Variants in KCNU1 observed in about 807,000 individuals in gnomAD.
KCNU1 encodes the protein potassium channel subfamily U member 1.
KCNU1 carries 93 observed loss-of-function variants against 126.8 expected under a neutral mutation model. That is an observed-to-expected ratio of 0.73 (90% CI 0.62 to 0.87). The LOEUF is 0.87. Ranked by LOEUF, KCNU1 falls within the 40% of genes least tolerant of loss-of-function variation. KCNU1 has a pLI of 0.00. For missense variants in KCNU1, 1,330 were observed against 1,367.1 expected, an observed-to-expected ratio of 0.97 and a Z score of 0.43; for synonymous variants, 523 against 494.2, an observed-to-expected ratio of 1.06 and a Z score of -0.77.
At chr8:36,789,838 C>T (rs539739978) in intron 2 of KCNU1, among the ~76,000 whole-genome samples, 93 of 152,228 alleles carry the variant, frequency 6.1e-4, no homozygotes, top group African/African-American at 2.2e-3. Context: ...AATAGAATTG[C>T]GGAGGCAAAG....
intron 7 of KCNU1, among the ~76,000 whole-genome samples, chr8:36,811,393 C>A (rs1191238812): frequency 6.6e-6 from 1 of 152,024 alleles, no homozygotes; most frequent in Non-Finnish European, 1.5e-5. Flanking sequence ...AGGGTCTATA[C>A]AGGGGGGAAC....
chr8:36,870,130 A>C (rs1806049139), intron 19 of KCNU1, among the ~76,000 whole-genome samples: 1 of 152,192 alleles, frequency 6.6e-6, no homozygotes, highest in South Asian at 2.1e-4. Context: ...AGTGCCTTCC[A>C]GTAATCCTAT....
intron 17 of KCNU1, 51 bp downstream of exon 17, chr8:36,845,720 T>C: frequency 6.9e-7 from 1 of 1,441,606 alleles, no homozygotes. Context: ...TACAGCTTAA[T>C]GGGAGGCCCA....
chr8:36,852,560 C>T (rs933703442), intron 18 of KCNU1, among the ~76,000 whole-genome samples: 2 of 152,074 alleles, frequency 1.3e-5, no homozygotes, highest in African/African-American at 4.8e-5. Flanking sequence ...AGGTTTTCTA[C>T]TTCTTCCTAA....
chr8:36,815,051 C>A (rs1051570941), intron 8 of KCNU1, among the ~76,000 whole-genome samples: 1 of 152,132 alleles, frequency 6.6e-6, no homozygotes, highest in African/African-American at 2.4e-5. Context: ...AAAAAGAGGG[C>A]CAGGCACAGT....
rs747446576 is a variant in KCNU1 at position 36,864,438 on chromosome 8, G to T, written c.1926G>T (p.Lys642Asn). 4 of 1,612,028 alleles carry T rather than the reference G, an allele frequency of 2.5e-6. No homozygotes were observed. Among genetic ancestry groups the T allele is most frequent in the Non-Finnish European group, 3.4e-6 (4 of 1,178,412 alleles). The change falls in exon 19 of 27, where the codon AAG (lysine) becomes AAT (asparagine). Residue 642 changes from lysine (K) to asparagine (N), a missense_variant. Physicochemically the swap from Lys to Asn is moderately conservative, Grantham distance 94 (BLOSUM62 0). Around this residue, in one of 3 missense-constraint regions of KCNU1, gnomAD observed 1,054 missense variants for 1,053.9 expected, o/e 1.00. Coordinates refer to ENST00000399881, the MANE Select transcript of KCNU1 (RefSeq NM_001031836.3). ...PSVKRMKKCL[K>N]GISSRISGQD... ...TAAAGAGAATGAAAAAATGTCTGAA[G>T]GGAATCTCCTCTCGTATATCAGGGC...
chr8:36,900,497 T>C (rs1014374162), intron 19 of KCNU1, among the ~76,000 whole-genome samples: 1 of 152,026 alleles, frequency 6.6e-6, no homozygotes, highest in Non-Finnish European at 1.5e-5. Flanking sequence ...TGTATAGGTG[T>C]GGGAGGGGGT....
chr8:36,893,633 C>T (rs1244549120), intron 19 of KCNU1, among the ~76,000 whole-genome samples: 3 of 151,974 alleles, frequency 2.0e-5, no homozygotes, highest in Non-Finnish European at 4.4e-5. Context: ...TACTGTTGAA[C>T]TAAAGATAGT....
At chr8:36,818,512 C>T (rs918650910) in intron 10 of KCNU1, among the ~76,000 whole-genome samples, 5 of 151,958 alleles carry the variant, frequency 3.3e-5, no homozygotes, top group Admixed American at 3.3e-4. Flanking sequence ...CTTTTATTTT[C>T]ATACAGAAGT....
At chr8:36,914,137 C>T (rs2117548471) in intron 22 of KCNU1, among the ~76,000 whole-genome samples, 1 of 152,272 alleles carries the variant, frequency 6.6e-6, no homozygotes, top group Admixed American at 6.5e-5. Context: ...TACACACCCC[C>T]AAGAACTGAA....
intron 8 of KCNU1, among the ~76,000 whole-genome samples, chr8:36,815,080 C>T (rs1197439809): frequency 6.6e-6 from 1 of 152,146 alleles, no homozygotes; most frequent in Non-Finnish European, 1.5e-5. Context: ...CCTGCAATCC[C>T]AGCATTTTGT....
chr8:36,801,685 T>TAC (rs1052045379), intron 2 of KCNU1, among the ~76,000 whole-genome samples: 5 of 152,090 alleles, frequency 3.3e-5, no homozygotes, highest in Admixed American at 3.3e-4. Flanking sequence ...TGTGTATATA[T>TAC]ACACACACAT....
chr8:36,832,149 T>G (rs545228487), intron 10 of KCNU1, among the ~76,000 whole-genome samples: 44 of 152,324 alleles, frequency 2.9e-4, no homozygotes, highest in Non-Finnish European at 5.3e-4. Flanking sequence ...TACCATGCTG[T>G]TTTGGTTACT....
chr8:36,798,190 T>C (rs1429166858), intron 2 of KCNU1, among the ~76,000 whole-genome samples: 4 of 152,166 alleles, frequency 2.6e-5, no homozygotes, highest in Non-Finnish European at 5.9e-5. Flanking sequence ...CTCCTTCCTC[T>C]TAGGTCTTGA....
At chr8:36,809,953 T>C (rs1803649021) in intron 7 of KCNU1, among the ~76,000 whole-genome samples, 1 of 152,170 alleles carries the variant, frequency 6.6e-6, no homozygotes, top group African/African-American at 2.4e-5. Context: ...AATTTCTGAA[T>C]TCTTTGGGAA....
chr8:36,844,137 G>A (rs1267757072), intron 16 of KCNU1, among the ~76,000 whole-genome samples: 1 of 152,152 alleles, frequency 6.6e-6, no homozygotes, highest in Non-Finnish European at 1.5e-5. Context: ...TCAGCAGTTT[G>A]GGAGGCCGAA....
chr8:36,914,452 C>T lies in KCNU1; in HGVS notation c.2521+3333C>T, dbSNP rs540715786. On this transcript the variant is annotated intron_variant, in intron 22 of 26. Transcript: ENST00000399881. ...CAGCAGTACCAAGGTGGAGAAACTC[C>T]GCCCTAACCTATCTGGTGAGGCCTT... 1.3e-3 allele frequency among the ~76,000 whole-genome samples: 193 copies of T among 152,330 alleles called. 1 individual carries two copies. The highest frequency in any genetic ancestry group is 4.4e-3 in the African/African-American group (183 of 41,578).
Position 36,807,461 on chromosome 8 carries a change from C to G in KCNU1, c.656+11C>G. On this transcript the variant is annotated intron_variant, in intron 6 of 26. Transcript: ENST00000399881. The stretch of plus-strand genomic sequence containing the variant: ...AGCCATCAAGACCAGGTAAATAGCC[C>G]TGACCGAAGTACTGCTTACTTATTA... 6.3e-7 allele frequency: 1 copy of G among 1,590,512 alleles called. No individual in the cohort carries two copies. Among genetic ancestry groups the G allele is most frequent in the Non-Finnish European group, 8.6e-7 (1 of 1,158,684 alleles).
chr8:36,799,573 C>A (rs1283150208), intron 2 of KCNU1, among the ~76,000 whole-genome samples: 1 of 151,780 alleles, frequency 6.6e-6, no homozygotes, highest in Non-Finnish European at 1.5e-5. Context: ...ACTCTGCTGT[C>A]ATCCAGGCTG....
Sources: allele counts gnomAD v4.1 joint callset (sites outside exome capture counted in the v4.1 genomes callset), GRCh38; gene constraint gnomAD v4.1.1; regional missense constraint gnomAD v4.1.1; transcripts MANE v1.5; gene names NCBI Gene and HGNC (gene_info 2026-07-23, HGNC 2026-07-21).